SLC25A26: variants seen among roughly 807,000 people sequenced by gnomAD.
SLC25A26 encodes the protein solute carrier family 25 member 26.
A neutral mutation model predicts 37.8 loss-of-function variants in SLC25A26; 36 were observed. The observed-to-expected ratio is 0.95, with a 90% CI of 0.73 to 1.26. The LOEUF is 1.26. Ranked by LOEUF, SLC25A26 falls within the 50% of genes most tolerant of loss-of-function variation. SLC25A26 has a pLI of 0.00. For synonymous variants in SLC25A26, 129 were observed against 122.5 expected, an observed-to-expected ratio of 1.05 and a Z score of -0.35; for missense variants, 390 against 331.1, an observed-to-expected ratio of 1.18 and a Z score of -1.38.
intron 6 of SLC25A26, among the ~76,000 whole-genome samples, chr3:66,360,262 G>T (rs2076667224): frequency 6.6e-6 from 1 of 152,102 alleles, no homozygotes; most frequent in Non-Finnish European, 1.5e-5. Flanking sequence ...AAAAATGTCA[G>T]ACCACTCTCA....
intron 5 of SLC25A26, among the ~76,000 whole-genome samples, chr3:66,346,064 G>A (rs555440386): frequency 3.3e-5 from 5 of 152,230 alleles, no homozygotes; most frequent in East Asian, 3.9e-4. Flanking sequence ...GTGTGGTGGC[G>A]TGTGCCTGTA....
At chr3:66,348,200 G>T (rs1386063884) in intron 6 of SLC25A26, among the ~76,000 whole-genome samples, 1 of 152,124 alleles carries the variant, frequency 6.6e-6, no homozygotes, top group Non-Finnish European at 1.5e-5. Flanking sequence ...ATGTTACATT[G>T]GTTTTTCACT....
intron 1 of SLC25A26, among the ~76,000 whole-genome samples, chr3:66,165,534 G>A (rs2070413848): frequency 1.3e-5 from 2 of 152,154 alleles, no homozygotes; most frequent in African/African-American, 4.8e-5. Context: ...GTCTAGGGGT[G>A]GGGGTGATGA....
At chr3:66,211,753 A>G (rs2106838184) in intron 1 of SLC25A26, among the ~76,000 whole-genome samples, 1 of 152,366 alleles carries the variant, frequency 6.6e-6, no homozygotes, top group African/African-American at 2.4e-5. Flanking sequence ...TTTTGAAATC[A>G]AATATTTTAA....
chr3:66,236,515 T>G, intron 1 of SLC25A26, 29 bp from the exon 2 acceptor site: 2 of 1,428,420 alleles, frequency 1.4e-6, no homozygotes, highest in South Asian at 3.0e-5. Context: ...CTTTTTTTTT[T>G]CTTTTTCTTC....
chr3:66,297,758 G>C (rs1440382360), intron 5 of SLC25A26, among the ~76,000 whole-genome samples: 1 of 152,196 alleles, frequency 6.6e-6, no homozygotes, highest in East Asian at 1.9e-4. Context: ...TTGTAACAGA[G>C]ACTGTATGGA....
At chr3:66,216,776 ATC>A (rs1410989432), upstream of SLC25A26, among the ~76,000 whole-genome samples, 2 of 48,112 alleles carry the variant, frequency 4.2e-5, no homozygotes, top group African/African-American at 8.3e-5. Context: ...TTATTATAAT[ATC>A]ACATGTGTAA....
At chr3:66,349,284 A>G (rs921623437) in intron 6 of SLC25A26, among the ~76,000 whole-genome samples, 3 of 152,074 alleles carry the variant, frequency 2.0e-5, no homozygotes, top group Non-Finnish European at 1.5e-5. Context: ...CTCACCCTTT[A>G]TACCTGTACA....
intron 5 of SLC25A26, among the ~76,000 whole-genome samples, chr3:66,320,177 A>G (rs9881637): frequency 0.17 from 26,620 of 152,114 alleles, 2,498 homozygotes; most frequent in Non-Finnish European, 0.2. Flanking sequence ...AATTACATTC[A>G]GTGTTGTGCA....
In SLC25A26 at chr3:66,377,701, GT is replaced by G. The variant is rs1559755802; in HGVS notation, c.720del (p.Val241SerfsTer68). 2 of 1,613,218 alleles carry G rather than the reference GT, an allele frequency of 1.2e-6. No homozygotes were observed. Among genetic ancestry groups the G allele is most frequent in the Non-Finnish European group, 1.7e-6 (2 of 1,179,390 alleles). ...GTTTTTTCCCCTAGATTATTTGCAG[GT>G]GTCTTCCCTCGAATGGCAGCCATCA... ...RSQGLAGLFA[G>X]VFPRMAAISL... On this transcript the variant is annotated frameshift_variant, in exon 10 of 10. Coordinates refer to ENST00000354883, the MANE Select transcript of SLC25A26 (RefSeq NM_001379210.1). LOFTEE classifies it high-confidence loss of function.
intron 5 of SLC25A26, among the ~76,000 whole-genome samples, chr3:66,331,083 ATTG>A (rs2075963442): frequency 6.6e-6 from 1 of 152,080 alleles, no homozygotes; most frequent in Admixed American, 6.5e-5. Context: ...CTTATTAATT[ATTG>A]TTTAGTTTTT....
At chr3:66,184,245 C>G (rs531700803) in intron 1 of SLC25A26, among the ~76,000 whole-genome samples, 47 of 152,092 alleles carry the variant, frequency 3.1e-4, no homozygotes, top group African/African-American at 9.9e-4. Flanking sequence ...GACTTTCACC[C>G]TGAACCTCAC....
chr3:66,243,443 T>A (rs1477370130), intron 3 of SLC25A26, 131 bp downstream of exon 3: 1 of 535,960 alleles, frequency 1.9e-6, no homozygotes, highest in Non-Finnish European at 3.3e-6. Context: ...TAAATGTAAA[T>A]GGATTAAATA....
chr3:66,182,937 G>T (rs142328951), intron 1 of SLC25A26, among the ~76,000 whole-genome samples: 1 of 152,150 alleles, frequency 6.6e-6, no homozygotes, highest in African/African-American at 2.4e-5. Context: ...GGGTTCTTCA[G>T]GTCGGTCTTT....
In SLC25A26 at chr3:66,194,976, C is replaced by T. The variant is rs904967452; in HGVS notation, c.-353-25766C>T. ...TCCCCACCCAGCCACTCACCCACTC[C>T]TCCCCTTGGTGGGGAAGGGAGGGAG... On this transcript the variant is annotated intron_variant, in intron 1 of 10. Transcript: ENST00000676754. Among the ~76,000 whole-genome samples the T allele has an allele frequency of 4.0e-4, 61 of 152,344 alleles. 1 individual carries two copies. Among genetic ancestry groups the T allele is most frequent in the African/African-American group, 1.4e-3 (60 of 41,596 alleles).
chr3:66,310,969 C>T (rs1428831636), intron 5 of SLC25A26, among the ~76,000 whole-genome samples: 1 of 152,070 alleles, frequency 6.6e-6, no homozygotes, highest in Admixed American at 6.5e-5. Flanking sequence ...GATTATGTGT[C>T]TTGGGTTGAT....
At chr3:66,252,117 C>G (rs1342891016) in intron 3 of SLC25A26, among the ~76,000 whole-genome samples, 1 of 152,144 alleles carries the variant, frequency 6.6e-6, no homozygotes, top group Non-Finnish European at 1.5e-5. Context: ...TCTCAAAGGA[C>G]CAAAATACCA....
At chr3:66,179,638 A>G (rs946662672) in intron 1 of SLC25A26, among the ~76,000 whole-genome samples, 3 of 152,166 alleles carry the variant, frequency 2.0e-5, no homozygotes, top group East Asian at 1.9e-4. Context: ...CTATACTTCT[A>G]TATTTCCTCT....
intron 4 of SLC25A26, 87 bp from the exon 5 acceptor site, chr3:66,263,245 C>T: frequency 1.1e-6 from 1 of 902,462 alleles, no homozygotes; most frequent in Non-Finnish European, 1.8e-6. Context: ...AGAACTCAAA[C>T]AAGAGCAGGT....
Sources: gnomAD v4.1 joint callset for allele counts (sites outside exome capture counted in the v4.1 genomes callset) on GRCh38, gnomAD v4.1.1 for gene constraint, MANE v1.5 for transcripts, NCBI Gene and HGNC (gene_info 2026-07-23, HGNC 2026-07-21) for gene names.